IFT88: variants seen among roughly 807,000 people sequenced by gnomAD.
IFT88 encodes intraflagellar transport protein 88 homolog.
A neutral mutation model predicts 119.5 loss-of-function variants in IFT88; 74 were observed. The ratio of observed to expected loss-of-function variants is 0.62; its 90% CI spans 0.51 to 0.75. The LOEUF is 0.75. IFT88 is among the 30% of genes least tolerant of loss of function. IFT88 has a pLI of 0.00. For missense variants in IFT88, 961 were observed against 977.7 expected (o/e 0.98, Z 0.23); for synonymous variants, 279 against 316.7 (o/e 0.88, Z 1.26).
At chr13:20,604,153 A>G (rs913772766) in intron 12 of IFT88, among the ~76,000 whole-genome samples, 2 of 152,202 alleles carry the variant, frequency 1.3e-5, no homozygotes, top group Non-Finnish European at 2.9e-5. Context: ...GAGTGGGAAG[A>G]TGGCTTGAGC....
chr13:20,592,368 G>GCCCTGCTTC lies in IFT88; in HGVS notation c.367_375dup (p.Ala123_Pro125dup), dbSNP rs766894159. ...TTTGACCCCCTTAGTCAGTCAAGGG[G>GCCCTGCTTC]CCCTGCTTCCCCTTTGGAAGCCAAG... On this transcript the variant is annotated inframe_insertion, in exon 7 of 26. Coordinates refer to ENST00000351808, the MANE Select transcript of IFT88 (RefSeq NM_006531.5). 9.9e-6 allele frequency: 16 copies of GCCCTGCTTC among 1,611,482 alleles called. No homozygotes were observed. The highest frequency in any genetic ancestry group is 1.4e-5 in the Non-Finnish European group (16 of 1,179,090).
At chr13:20,576,639 T>C (rs1349340834) in intron 2 of IFT88, among the ~76,000 whole-genome samples, 1 of 152,218 alleles carries the variant, frequency 6.6e-6, no homozygotes, top group East Asian at 1.9e-4. Flanking sequence ...TTTTCCCTAA[T>C]GTATGTTTCT....
intron 22 of IFT88, among the ~76,000 whole-genome samples, chr13:20,663,041 A>G (rs545098064): frequency 5.6e-4 from 85 of 152,330 alleles, no homozygotes; most frequent in African/African-American, 2.0e-3. Context: ...TTATCTTCCT[A>G]GTGCTTTGCA....
rs1311922022 is a variant in IFT88, at chr13:20,638,414, A to C, written c.1469A>C (p.Lys490Thr). The C allele has an allele frequency of 6.6e-7, 1 of 1,525,474 alleles. No homozygotes were observed. The highest frequency in any genetic ancestry group is 8.8e-7 in the Non-Finnish European group (1 of 1,141,520). 94.5% of individuals were successfully genotyped at this position (1,525,474 alleles called of 1,614,324 possible). Residue 490 changes from lysine (K) to threonine (T), a missense_variant, in exon 17 of 26, where the codon AAA becomes ACA. Coordinates refer to ENST00000351808, the MANE Select transcript of IFT88 (RefSeq NM_006531.5). ...TATAATCCAGCAGCTCTTACTAATA[A>C]AGGGAATACAGTTTTTGCAAATGGT... ...DRYNPAALTNKGNTVFANGDY... is the reference protein window; with the variant it reads ...DRYNPAALTNTGNTVFANGDY...
chr13:20,621,368 A>T (rs2046444003), intron 14 of IFT88, among the ~76,000 whole-genome samples: 1 of 151,966 alleles, frequency 6.6e-6, no homozygotes, highest in Admixed American at 6.6e-5. Flanking sequence ...TGCCCGGCCG[A>T]GTTTATGGTA....
Position 20,685,944 on chromosome 13 carries a change from T to C in IFT88, c.2243-4761T>C, listed in dbSNP as rs1011701608. Among the ~76,000 whole-genome samples, 3 of 152,244 alleles carry C rather than the reference T, an allele frequency of 2.0e-5. No homozygotes were observed. The East Asian group carries it at 5.8e-4, about 29-fold the overall frequency. ...ATAGGAACTTACTTTAAAGAAATAA[T>C]TTTGTACACACATATTGATCACATT... On this transcript the variant is annotated intron_variant, in intron 24 of 25. Transcript: ENST00000351808.
At chr13:20,651,777 A>T (rs1009097630) in intron 20 of IFT88, among the ~76,000 whole-genome samples, 1 of 152,140 alleles carries the variant, frequency 6.6e-6, no homozygotes, top group Admixed American at 6.5e-5. Context: ...AGGAAAAAAA[A>T]TAGTATATAT....
At chr13:20,631,895 C>A (rs2048260578) in intron 16 of IFT88, 1 of 151,880 alleles carries the variant, frequency 6.6e-6, no homozygotes, top group East Asian at 1.9e-4. Flanking sequence ...GCCTATAATC[C>A]CAGCACTTTG....
chr13:20,659,797 C>T (rs1468469331), intron 22 of IFT88, among the ~76,000 whole-genome samples: 1 of 152,124 alleles, frequency 6.6e-6, no homozygotes, highest in East Asian at 1.9e-4. Flanking sequence ...GTGCCTGCCA[C>T]CATGCCCAGC....
chr13:20,661,691 C>T (rs1192787580), intron 22 of IFT88, among the ~76,000 whole-genome samples: 5 of 151,242 alleles, frequency 3.3e-5, no homozygotes, highest in East Asian at 1.9e-4. Flanking sequence ...GCTGATATTG[C>T]GCCAGTGCAC....
At chr13:20,576,128 G>C (rs141781167) in intron 2 of IFT88, among the ~76,000 whole-genome samples, 1 of 152,240 alleles carries the variant, frequency 6.6e-6, no homozygotes, top group Admixed American at 6.5e-5. Flanking sequence ...CAATAATGTT[G>C]AGCACTTTTT....
intron 13 of IFT88, among the ~76,000 whole-genome samples, chr13:20,606,635 T>G (rs1262607625): frequency 2.0e-5 from 3 of 152,180 alleles, no homozygotes; most frequent in Non-Finnish European, 1.5e-5. Context: ...TCCCAGCACT[T>G]TGGGAGGCTG....
At chr13:20,582,828 A>T in intron 2 of IFT88, 129 bp from the exon 3 acceptor site, 1 of 623,738 alleles carries the variant, frequency 1.6e-6, no homozygotes, top group East Asian at 2.6e-5. Flanking sequence ...TTGAGGTAGG[A>T]GTCCTAGATG....
chr13:20,586,067 A>G (rs1248674214), intron 3 of IFT88, among the ~76,000 whole-genome samples: 4 of 152,204 alleles, frequency 2.6e-5, no homozygotes, highest in African/African-American at 9.7e-5. Context: ...GTAACAGGTG[A>G]TAATTTTGCC....
At chr13:20,593,325 CAG>C (rs569127479) in intron 7 of IFT88, among the ~76,000 whole-genome samples, 1 of 152,086 alleles carries the variant, frequency 6.6e-6, no homozygotes, top group Non-Finnish European at 1.5e-5. Context: ...CCTATGAAAA[CAG>C]AGCTATTATT....
intron 2 of IFT88, among the ~76,000 whole-genome samples, chr13:20,579,207 G>A (rs1252759496): frequency 6.6e-6 from 1 of 152,174 alleles, no homozygotes; most frequent in African/African-American, 2.4e-5. Flanking sequence ...GGTGAAACCA[G>A]CCAGGCTTGT....
intron 24 of IFT88, among the ~76,000 whole-genome samples, chr13:20,678,892 C>T (rs2057005937): frequency 6.6e-6 from 1 of 152,178 alleles, no homozygotes; most frequent in South Asian, 2.1e-4. Context: ...AGATTAAAAG[C>T]ACAATCATCA....
At chr13:20,575,790 T>C (rs750385550) in intron 2 of IFT88, among the ~76,000 whole-genome samples, 2 of 152,234 alleles carry the variant, frequency 1.3e-5, no homozygotes, top group African/African-American at 2.4e-5. Flanking sequence ...TTTTGCCATT[T>C]TAATTGCAAA....
chr13:20,628,493 G>T (rs1441925944), intron 15 of IFT88, among the ~76,000 whole-genome samples: 1 of 152,154 alleles, frequency 6.6e-6, no homozygotes, highest in Non-Finnish European at 1.5e-5. Flanking sequence ...CATTTAGAAT[G>T]AAATTTAATT....
Sources: gnomAD v4.1 joint callset for allele counts (sites outside exome capture counted in the v4.1 genomes callset) on GRCh38, gnomAD v4.1.1 for gene constraint, MANE v1.5 for transcripts, NCBI Gene and HGNC (gene_info 2026-07-23, HGNC 2026-07-21) for gene names.